SH2B3: variants seen among roughly 807,000 people sequenced by gnomAD.
The protein encoded by SH2B3 is SH2B adaptor protein 3, also known as SH2B adapter protein 3.
A neutral mutation model predicts 51.9 loss-of-function variants in SH2B3; 43 were observed. The observed-to-expected ratio is 0.83, with a 90% CI of 0.65 to 1.07. The LOEUF is 1.07. SH2B3 is among the 50% of genes least tolerant of loss of function. The pLI, the probability that SH2B3 is intolerant of heterozygous loss-of-function variation, is 0.00. For synonymous variants in SH2B3, 396 were observed against 376.0 expected, an observed-to-expected ratio of 1.05 and a Z score of -0.62; for missense variants, 952 against 834.3, an observed-to-expected ratio of 1.14 and a Z score of -1.74.
In SH2B3 at chr12:111,418,639, C is replaced by G. The variant is rs7963692; in HGVS notation, c.494C>G (p.Thr165Ser). 0.019 allele frequency: 28,092 copies of G among 1,475,164 alleles called. 4,488 individuals are homozygous for G. The African/African-American group carries it at 0.36, about 19-fold the overall frequency. 91.4% of individuals were successfully genotyped at this position (1,475,164 alleles called of 1,614,324 possible). A position where few individuals can be genotyped will look rare whatever the true frequency, so the allele number is the denominator to read the frequency against. The change falls in exon 2 of 8, where the codon ACC (threonine) becomes AGC (serine). Residue 165 changes from threonine (T) to serine (S), a missense_variant. By Grantham distance (58) the Thr-to-Ser change is moderately conservative (BLOSUM62 1). Coordinates refer to ENST00000341259, the MANE Select transcript of SH2B3 (RefSeq NM_005475.3). This position sits in a 1 kb window ranked among gnomAD's most constrained non-coding sequence, Gnocchi z 6.7. ...PAAHTAAAPG[T>S]PGEAAETPAR... ...GCCCACACCGCTGCCGCCCCCGGGA[C>G]CCCCGGAGAGGCTGCTGAGACCCCC...
Position 111,420,645 on chromosome 12 carries a change from C to T in SH2B3, c.732+1768C>T, listed in dbSNP as rs150361370. On this transcript the variant is annotated intron_variant, in intron 2 of 7. Coordinates refer to ENST00000341259, the MANE Select transcript of SH2B3 (RefSeq NM_005475.3). Reference sequence around the variant, plus strand: ...TGGAGGAAACCTATGGTTACTCTTTCATTCATTCGACAGATATTTATGGAG... The same window carrying T: ...TGGAGGAAACCTATGGTTACTCTTTTATTCATTCGACAGATATTTATGGAG... Among the ~76,000 whole-genome samples the T allele has an allele frequency of 1.3e-3, 196 of 152,298 alleles. No individual in the cohort carries two copies. In the Middle Eastern group the frequency reaches 0.014, roughly 11 times the overall value.
At position 111,418,186 on chromosome 12, in the gene SH2B3, C is replaced by A; in HGVS notation, c.41C>A (p.Ala14Glu). Reference protein sequence around the residue: ...PALQPSSPSSAPSASPAAAPR... With the variant: ...PALQPSSPSSEPSASPAAAPR... ...CTGCAGCCCTCCTCGCCCTCTTCCG[C>A]GCCCTCAGCCTCCCCGGCGGCGGCC... The change falls in exon 2 of 8, where the codon GCG (alanine) becomes GAG (glutamate). Residue 14 changes from alanine to glutamate, a missense_variant. Ala to Glu is a moderately radical substitution (Grantham distance 107). Coordinates refer to ENST00000341259, the MANE Select transcript of SH2B3 (RefSeq NM_005475.3). This position sits in a 1 kb window ranked among gnomAD's most constrained non-coding sequence, Gnocchi z 6.7. The A allele has an allele frequency of 1.3e-6, 2 of 1,565,176 alleles. No homozygotes were observed.
intron 2 of SH2B3, among the ~76,000 whole-genome samples, chr12:111,441,697 G>A (rs1015783068): frequency 6.6e-6 from 1 of 152,186 alleles, no homozygotes; most frequent in Non-Finnish European, 1.5e-5. Flanking sequence ...TCTGGGTAAT[G>A]CATGGGTTTA....
At chr12:111,411,221 A>T (rs1870671862) in intron 1 of SH2B3, among the ~76,000 whole-genome samples, 1 of 150,712 alleles carries the variant, frequency 6.6e-6, no homozygotes, top group African/African-American at 2.5e-5. Context: ...AAAAAAAAAA[A>T]CTGGGTATGG....
intron 2 of SH2B3, chr12:111,444,673 T>C: frequency 3.2e-6 from 3 of 948,548 alleles, no homozygotes; most frequent in Non-Finnish European, 3.8e-6. Flanking sequence ...TTTGAGCTTG[T>C]CTCCCCTCTC....
rs753027201 is a variant in SH2B3, at chr12:111,447,293, G to GC, written c.1022-32dup. ...CAGACTCAGCCCAGGACATAAGGTAGCCCCCTGCGACCACCATCACCCATC... is the reference window on the plus strand; with the variant it reads ...CAGACTCAGCCCAGGACATAAGGTAGCCCCCCTGCGACCACCATCACCCATC... On this transcript the variant is annotated intron_variant, in intron 5 of 7. Coordinates refer to ENST00000341259, the MANE Select transcript of SH2B3 (RefSeq NM_005475.3). The GC allele has an allele frequency of 6.3e-6, 10 of 1,592,548 alleles. No homozygotes were observed. In the East Asian group the frequency reaches 2.0e-4, roughly 32 times the overall value.
chr12:111,418,629 G>GCCCCCGGGA lies in SH2B3; in HGVS notation c.492_500dup (p.Thr165_Gly167dup). On this transcript the variant is annotated inframe_insertion, in exon 2 of 8. Coordinates refer to ENST00000341259, the MANE Select transcript of SH2B3 (RefSeq NM_005475.3). The surrounding 1 kb of genome is among the most constrained non-coding windows in gnomAD (Gnocchi z 6.7). ...GCTGCCAGCGGCCCACACCGCTGCCGCCCCCGGGACCCCCGGAGAGGCTGC... is the reference window on the plus strand; with the variant it reads ...GCTGCCAGCGGCCCACACCGCTGCCGCCCCCGGGACCCCCGGGACCCCCGGAGAGGCTGC... The GCCCCCGGGA allele has an allele frequency of 6.8e-7, 1 of 1,474,246 alleles. No homozygotes were observed. 91.3% of individuals were successfully genotyped at this position (1,474,246 alleles called of 1,614,324 possible).
chr12:111,447,373 G>A lies in SH2B3; in HGVS notation c.1065G>A (p.Thr355=), dbSNP rs77375826. 17 of 1,613,910 alleles carry A rather than the reference G, an allele frequency of 1.1e-5. No individual in the cohort carries two copies. The highest frequency in any genetic ancestry group is 8.9e-5 in the East Asian group (4 of 44,896). The change falls in exon 6 of 8, where the codon ACG becomes ACA. Residue 355 remains threonine (T), a synonymous_variant. Transcript: ENST00000341259. ...TGCTGGACCCGGCCTGCCAGAAGAC[G>A]GACCATTTCCTGTCCTGCTACCCCT... The part of the protein sequence containing the change: ...GGLLDPACQK[T]DHFLSCYPWF...
chr12:111,418,523 G>T lies in SH2B3; in HGVS notation c.378G>T (p.Pro126=), dbSNP rs1871269079. The T allele has an allele frequency of 7.2e-7, 1 of 1,392,706 alleles. No individual in the cohort carries two copies. Among genetic ancestry groups the T allele is most frequent in the South Asian group, 1.4e-5 (1 of 70,574 alleles). 86.3% of individuals were successfully genotyped at this position (1,392,706 alleles called of 1,614,324 possible). A position where few individuals can be genotyped will look rare whatever the true frequency, so the allele number is the denominator to read the frequency against. ...PKARSSEELA[P]PRPPGPCSFQ... ...CCCGCAGCTCTGAGGAGCTGGCCCCGCCGCGGCCGCCCGGGCCCTGCTCCT... is the reference window on the plus strand; with the variant it reads ...CCCGCAGCTCTGAGGAGCTGGCCCCTCCGCGGCCGCCCGGGCCCTGCTCCT... Residue 126 remains proline (P), a synonymous_variant, in exon 2 of 8, where the codon CCG becomes CCT. Transcript: ENST00000341259. This position sits in a 1 kb window ranked among gnomAD's most constrained non-coding sequence, Gnocchi z 6.7.
intron 2 of SH2B3, among the ~76,000 whole-genome samples, chr12:111,426,143 TTCC>T (rs1871976006): frequency 6.6e-6 from 1 of 152,174 alleles, no homozygotes; most frequent in African/African-American, 2.4e-5. Flanking sequence ...CTTGCTCCCA[TTCC>T]TCTTGGCCTC....
chr12:111,408,424 C>G (rs1379756322), intron 1 of SH2B3, among the ~76,000 whole-genome samples: 1 of 150,788 alleles, frequency 6.6e-6, no homozygotes, highest in Non-Finnish European at 1.5e-5. Flanking sequence ...CCCCATGCCT[C>G]TCAAACCTGG....
intron 2 of SH2B3, among the ~76,000 whole-genome samples, chr12:111,446,346 CTATAACT>C (rs1471527920): frequency 6.6e-6 from 1 of 152,216 alleles, no homozygotes; most frequent in Non-Finnish European, 1.5e-5. Context: ...TTTACAGTGG[CTATAACT>C]TAGGCTAGCC....
At chr12:111,423,492 C>T (rs1184715558) in intron 2 of SH2B3, among the ~76,000 whole-genome samples, 1 of 152,128 alleles carries the variant, frequency 6.6e-6, no homozygotes, top group Non-Finnish European at 1.5e-5. Context: ...GCCTCAGCCT[C>T]CCGGGTAGCT....
Position 111,418,340 on chromosome 12 carries a change from G to T in SH2B3, c.195G>T (p.Leu65=). Residue 65 remains leucine (L), a synonymous_variant, in exon 2 of 8, where the codon CTG becomes CTT. Transcript: ENST00000341259. The surrounding 1 kb of genome is among the most constrained non-coding windows in gnomAD (Gnocchi z 6.7). ...HAPLRAELVS[L]QFTDLFQRYF... Reference sequence around the variant, plus strand: ...CGCTGCGCGCCGAGCTGGTGTCGCTGCAGTTCACCGACCTCTTCCAGCGCT... The same window carrying T: ...CGCTGCGCGCCGAGCTGGTGTCGCTTCAGTTCACCGACCTCTTCCAGCGCT... 6.6e-7 allele frequency: 1 copy of T among 1,524,298 alleles called. No homozygotes were observed. The highest frequency in any genetic ancestry group is 8.8e-7 in the Non-Finnish European group (1 of 1,141,494). 94.4% of individuals were successfully genotyped at this position (1,524,298 alleles called of 1,614,324 possible). A position where few individuals can be genotyped will look rare whatever the true frequency, so the allele number is the denominator to read the frequency against.
In SH2B3 at chr12:111,447,460, T is replaced by G; in HGVS notation, c.1152T>G (p.Asp384Glu). Residue 384 changes from aspartate (D) to glutamate (E), a missense_variant, in exon 6 of 8, where the codon GAT becomes GAG. Transcript: ENST00000341259. ...AAQLVQLQGPDAHGVFLVRQS... is the reference protein window; with the variant it reads ...AAQLVQLQGPEAHGVFLVRQS... ...AGCTGGTTCAGCTGCAGGGCCCTGATGCTCATGGAGTGTTCCTGGTGCGGC... is the reference window on the plus strand; with the variant it reads ...AGCTGGTTCAGCTGCAGGGCCCTGAGGCTCATGGAGTGTTCCTGGTGCGGC... 6.2e-7 allele frequency: 1 copy of G among 1,612,686 alleles called. No individual in the cohort carries two copies. The highest frequency in any genetic ancestry group is 1.1e-5 in the South Asian group (1 of 91,052).
chr12:111,415,833 G>A (rs1213516597), intron 1 of SH2B3, among the ~76,000 whole-genome samples: 5 of 152,018 alleles, frequency 3.3e-5, no homozygotes, highest in African/African-American at 4.8e-5. Context: ...TGTTGGCCAG[G>A]CTGGTTTCGA....
chr12:111,423,606 G>C (rs983627080), intron 2 of SH2B3, among the ~76,000 whole-genome samples: 1 of 152,066 alleles, frequency 6.6e-6, no homozygotes, highest in Admixed American at 6.5e-5. Flanking sequence ...TCCTGACCTC[G>C]TTATCTGCCC....
At chr12:111,426,893 G>A (rs986943055) in intron 2 of SH2B3, among the ~76,000 whole-genome samples, 7 of 152,050 alleles carry the variant, frequency 4.6e-5, no homozygotes, top group Non-Finnish European at 2.9e-5. Flanking sequence ...TGATCCCAAG[G>A]GGCCCCTAAC....
chr12:111,418,177 C>T lies in SH2B3; in HGVS notation c.32C>T (p.Pro11Leu), dbSNP rs1201207431. 1 of 1,555,910 alleles carries T rather than the reference C, an allele frequency of 6.4e-7. No homozygotes were observed. The highest frequency in any genetic ancestry group is 1.9e-5 in the Admixed American group (1 of 52,618). ...GGGCCTGCCCTGCAGCCCTCCTCGC[C>T]CTCTTCCGCGCCCTCAGCCTCCCCG... MNGPALQPSS[P>L]SSAPSASPAA... Residue 11 changes from proline to leucine, a missense_variant, in exon 2 of 8, where the codon CCC becomes CTC. Coordinates refer to ENST00000341259, the MANE Select transcript of SH2B3 (RefSeq NM_005475.3). The surrounding 1 kb of genome is among the most constrained non-coding windows in gnomAD (Gnocchi z 6.7).
Sources: allele counts gnomAD v4.1 joint callset (sites outside exome capture counted in the v4.1 genomes callset), GRCh38; gene constraint gnomAD v4.1.1; non-coding constraint Gnocchi (gnomAD v3.1); transcripts MANE v1.5; gene names NCBI Gene and HGNC (gene_info 2026-07-23, HGNC 2026-07-21).